Variants in LRRTM4 observed in about 807,000 individuals in gnomAD.
LRRTM4 encodes leucine rich repeat transmembrane neuronal 4, also known as leucine-rich repeat transmembrane neuronal protein 4.
LRRTM4 carries 25 observed loss-of-function variants against 47.6 expected under a neutral mutation model. The ratio of observed to expected loss-of-function variants is 0.53; its 90% CI spans 0.38 to 0.73. The LOEUF is 0.73. LRRTM4 is among the 30% of genes least tolerant of loss of function. The probability of loss-of-function intolerance (pLI) is 0.00; values close to 1 mark genes in which losing one functional copy is unlikely to be tolerated. For missense variants in LRRTM4, 638 were observed against 713.4 expected (o/e 0.89, Z 1.20); for synonymous variants, 311 against 269.5 (o/e 1.15, Z -1.51).
intron 3 of LRRTM4, among the ~76,000 whole-genome samples, chr2:76,829,523 T>A (rs755600973): frequency 8.0e-6 from 1 of 124,340 alleles, no homozygotes; most frequent in African/African-American, 3.2e-5. Flanking sequence ...AATTACATAC[T>A]GTCATGTAAT....
At chr2:76,981,469 T>C (rs1441514323) in intron 3 of LRRTM4, among the ~76,000 whole-genome samples, 2 of 152,020 alleles carry the variant, frequency 1.3e-5, no homozygotes, top group African/African-American at 4.8e-5. Context: ...TTAACATCAG[T>C]CCAACTCTAT....
At chr2:76,770,115 A>T (rs1338201982) in intron 3 of LRRTM4, among the ~76,000 whole-genome samples, 1 of 152,178 alleles carries the variant, frequency 6.6e-6, no homozygotes, top group Non-Finnish European at 1.5e-5. Flanking sequence ...TTGACTAGTT[A>T]CCAAATAAAA....
chr2:76,980,792 T>C (rs768421919), intron 3 of LRRTM4, among the ~76,000 whole-genome samples: 23 of 152,046 alleles, frequency 1.5e-4, no homozygotes, highest in African/African-American at 5.3e-4. Flanking sequence ...GATGTACTGA[T>C]TGGATAGAAA....
At chr2:77,217,270 G>C (rs1381986914) in intron 3 of LRRTM4, among the ~76,000 whole-genome samples, 1 of 150,280 alleles carries the variant, frequency 6.7e-6, no homozygotes, top group East Asian at 2.0e-4. Flanking sequence ...CTAGGCAGCA[G>C]AATTTTGAGG....
At chr2:77,023,015 A>G (rs985932428) in intron 3 of LRRTM4, among the ~76,000 whole-genome samples, 8 of 152,314 alleles carry the variant, frequency 5.3e-5, no homozygotes, top group Admixed American at 3.9e-4. Context: ...TCCTGCAGCA[A>G]ACTTCTGCCT....
chr2:77,143,825 A>G (rs1426446580), intron 3 of LRRTM4, among the ~76,000 whole-genome samples: 1 of 152,204 alleles, frequency 6.6e-6, no homozygotes, highest in Non-Finnish European at 1.5e-5. Flanking sequence ...AGTTGCAGGT[A>G]GACTTGGACA....
At chr2:77,039,901 C>A (rs1678966402) in intron 3 of LRRTM4, among the ~76,000 whole-genome samples, 1 of 150,896 alleles carries the variant, frequency 6.6e-6, no homozygotes, top group African/African-American at 2.4e-5. Flanking sequence ...GTAATTTTCT[C>A]ATTAGTTAAT....
At position 77,411,350 on chromosome 2, in the gene LRRTM4, A is replaced by G. The variant is rs148574489; in HGVS notation, c.1551+106968T>C. 5.2e-3 allele frequency among the ~76,000 whole-genome samples: 783 copies of G among 151,526 alleles called. 4 individuals carry two copies. Among genetic ancestry groups the G allele is most frequent in the African/African-American group, 7.5e-3 (310 of 41,398 alleles). On this transcript the variant is annotated intron_variant, in intron 3 of 3. Transcript: ENST00000409884. Reference sequence around the variant, plus strand: ...CAGGATAAGGATAGGCTAACCAAGTATTGGATGCCGGGGTCTTCGATTTCT... The same window carrying G: ...CAGGATAAGGATAGGCTAACCAAGTGTTGGATGCCGGGGTCTTCGATTTCT...
chr2:76,841,834 A>G (rs974534989), intron 3 of LRRTM4, among the ~76,000 whole-genome samples: 1 of 152,174 alleles, frequency 6.6e-6, no homozygotes, highest in Non-Finnish European at 1.5e-5. Flanking sequence ...AGAACTAAAG[A>G]TTTTTTAAAA....
At chr2:77,396,733 C>T (rs778601395) in intron 3 of LRRTM4, among the ~76,000 whole-genome samples, 1 of 151,798 alleles carries the variant, frequency 6.6e-6, no homozygotes, top group Non-Finnish European at 1.5e-5. Flanking sequence ...TGAAACCAGG[C>T]AATATGCACA....
chr2:77,183,150 C>T (rs1188071971), intron 3 of LRRTM4, among the ~76,000 whole-genome samples: 1 of 152,040 alleles, frequency 6.6e-6, no homozygotes, highest in Non-Finnish European at 1.5e-5. Context: ...AACAGGCAAC[C>T]TACAGAATGG....
intron 3 of LRRTM4, among the ~76,000 whole-genome samples, chr2:76,861,106 A>T (rs966888120): frequency 1.3e-5 from 2 of 152,102 alleles, no homozygotes; most frequent in African/African-American, 2.4e-5. Flanking sequence ...TTTTTTGATA[A>T]AACATTTTGC....
At chr2:76,938,195 C>T (rs958652134) in intron 3 of LRRTM4, among the ~76,000 whole-genome samples, 1 of 152,058 alleles carries the variant, frequency 6.6e-6, no homozygotes, top group African/African-American at 2.4e-5. Flanking sequence ...TATCTGTTCT[C>T]AATCCATCTA....
At chr2:76,959,211 G>C (rs774639932) in intron 3 of LRRTM4, among the ~76,000 whole-genome samples, 1 of 151,466 alleles carries the variant, frequency 6.6e-6, no homozygotes, top group Non-Finnish European at 1.5e-5. Flanking sequence ...AGATAGTCTT[G>C]GTAAGATGTC....
intron 3 of LRRTM4, among the ~76,000 whole-genome samples, chr2:77,122,688 A>G (rs1049216871): frequency 6.6e-6 from 1 of 151,628 alleles, no homozygotes; most frequent in African/African-American, 2.4e-5. Context: ...ATTCACCATA[A>G]ATTTTTTTCC....
intron 3 of LRRTM4, among the ~76,000 whole-genome samples, chr2:76,843,172 G>A (rs2103940852): frequency 6.6e-6 from 1 of 152,236 alleles, no homozygotes; most frequent in African/African-American, 2.4e-5. Context: ...GTGAGGAGAA[G>A]TAGAGAAACA....
chr2:76,749,936 G>A (rs982473058), intron 3 of LRRTM4, among the ~76,000 whole-genome samples: 3 of 152,156 alleles, frequency 2.0e-5, no homozygotes, highest in Non-Finnish European at 4.4e-5. Context: ...TGTTGTGGCA[G>A]GTTTTAAACT....
At chr2:77,163,832 T>A (rs1202709854) in intron 3 of LRRTM4, among the ~76,000 whole-genome samples, 1 of 152,006 alleles carries the variant, frequency 6.6e-6, no homozygotes, top group Non-Finnish European at 1.5e-5. Context: ...AAAGGAACAA[T>A]CAGTACCAGC....
chr2:77,221,076 C>T (rs1269039017), intron 3 of LRRTM4, among the ~76,000 whole-genome samples: 1 of 152,158 alleles, frequency 6.6e-6, no homozygotes, highest in Admixed American at 6.5e-5. Flanking sequence ...AAAGAATTTT[C>T]AACCCAGAAT....
Sources: allele counts gnomAD v4.1 joint callset (sites outside exome capture counted in the v4.1 genomes callset), GRCh38; gene constraint gnomAD v4.1.1; transcripts MANE v1.5; gene names NCBI Gene and HGNC (gene_info 2026-07-23, HGNC 2026-07-21).